Variants in COL19A1 observed in about 807,000 individuals in gnomAD.
The protein encoded by COL19A1 is collagen type XIX alpha 1 chain, also known as collagen alpha-1(XIX) chain.
Under a neutral mutation model 190.2 loss-of-function variants are expected in COL19A1, and 159 were observed. That is an observed-to-expected ratio of 0.84 (90% CI 0.73 to 0.95). COL19A1 has a LOEUF of 0.95. COL19A1 is among the 40% of genes least tolerant of loss of function. The probability of loss-of-function intolerance (pLI) is 0.00; values close to 1 mark genes in which losing one functional copy is unlikely to be tolerated. For missense variants in COL19A1, 1,418 were observed against 1,431.9 expected, an observed-to-expected ratio of 0.99 and a Z score of 0.16; for synonymous variants, 509 against 458.9, an observed-to-expected ratio of 1.11 and a Z score of -1.39.
chr6:70,166,517 G>A (rs1193525929), intron 37 of COL19A1, among the ~76,000 whole-genome samples: 2 of 152,238 alleles, frequency 1.3e-5, no homozygotes, highest in African/African-American at 4.8e-5. Flanking sequence ...GGAAACGGTG[G>A]AGAGGAGAGG....
chr6:69,935,200 A>G (rs1055097615), intron 7 of COL19A1, among the ~76,000 whole-genome samples: 1 of 152,070 alleles, frequency 6.6e-6, no homozygotes, highest in African/African-American at 2.4e-5. Context: ...AATGTGGTTA[A>G]ATTTTTAAGG....
chr6:70,093,757 T>C (rs1422162961), intron 15 of COL19A1, among the ~76,000 whole-genome samples: 2 of 152,174 alleles, frequency 1.3e-5, no homozygotes, highest in African/African-American at 2.4e-5. Flanking sequence ...TAATGAATCA[T>C]TTATTCAGAT....
intron 11 of COL19A1, 125 bp from the exon 12 acceptor site, chr6:70,023,502 G>A (rs958426787): frequency 7.2e-6 from 5 of 692,502 alleles, no homozygotes; most frequent in South Asian, 6.2e-5. Flanking sequence ...TTTAATAAAC[G>A]TGCCTTTCAA....
intron 4 of COL19A1, among the ~76,000 whole-genome samples, chr6:69,907,603 A>T (rs1265608832): frequency 1.3e-5 from 2 of 152,144 alleles, no homozygotes; most frequent in African/African-American, 4.8e-5. Flanking sequence ...TATTCTGCAT[A>T]TTTTCCAATA....
chr6:70,122,073 A>C (rs1021912375), intron 17 of COL19A1, 131 bp downstream of exon 17: 118 of 546,796 alleles, frequency 2.2e-4, no homozygotes, highest in Non-Finnish European at 2.9e-4. Flanking sequence ...ACATCTTTCC[A>C]TACTGAAAGC....
chr6:69,904,604 G>C (rs1770416336), intron 4 of COL19A1, among the ~76,000 whole-genome samples: 1 of 152,170 alleles, frequency 6.6e-6, no homozygotes, highest in African/African-American at 2.4e-5. Context: ...TCTCCACTGG[G>C]TTCCCATCAG....
intron 44 of COL19A1, among the ~76,000 whole-genome samples, chr6:70,182,531 A>G (rs1766240130): frequency 6.6e-6 from 1 of 152,204 alleles, no homozygotes; most frequent in South Asian, 2.1e-4. Flanking sequence ...GTCACTGTGG[A>G]TAGGAAGGGA....
At chr6:69,986,258 C>T (rs1776312761) in intron 11 of COL19A1, among the ~76,000 whole-genome samples, 1 of 147,560 alleles carries the variant, frequency 6.8e-6, no homozygotes, top group South Asian at 2.1e-4. Flanking sequence ...TATATACACA[C>T]ACACATATAT....
intron 11 of COL19A1, among the ~76,000 whole-genome samples, chr6:69,966,811 G>A (rs1335960113): frequency 2.0e-5 from 3 of 150,624 alleles, no homozygotes; most frequent in African/African-American, 4.9e-5. Context: ...AGGCCATTTA[G>A]CAAGGATTCA....
intron 1 of COL19A1, chr6:69,867,566 CG>C (rs1767548832): frequency 6.6e-6 from 1 of 152,318 alleles, no homozygotes. Context: ...GCTGCAGGGT[CG>C]CGAGGAAGTT....
chr6:70,169,312 T>C (rs1765362199), intron 40 of COL19A1, among the ~76,000 whole-genome samples: 1 of 151,886 alleles, frequency 6.6e-6, no homozygotes, highest in South Asian at 2.1e-4. Flanking sequence ...TTGCTGGGCA[T>C]TTTCTCCTGT....
chr6:70,190,190 A>G (rs925407874), intron 47 of COL19A1, 125 bp from the exon 48 acceptor site: 2 of 717,836 alleles, frequency 2.8e-6, no homozygotes, highest in Non-Finnish European at 4.7e-6. Flanking sequence ...TCAATTGCCA[A>G]AAGCATTTTT....
At chr6:69,949,400 G>A (rs917729296) in intron 9 of COL19A1, among the ~76,000 whole-genome samples, 1 of 151,748 alleles carries the variant, frequency 6.6e-6, no homozygotes, top group African/African-American at 2.4e-5. Flanking sequence ...CCTCAATAGT[G>A]TTTTCTCGCT....
intron 13 of COL19A1, among the ~76,000 whole-genome samples, chr6:70,035,280 C>A (rs1387554165): frequency 6.6e-6 from 1 of 152,162 alleles, no homozygotes; most frequent in Non-Finnish European, 1.5e-5. Flanking sequence ...AAATAGTGAA[C>A]TTTTAGATGA....
Position 70,208,639 on chromosome 6 carries a change from GAACATGCTGCAA to G in COL19A1, c.*1366_*1377del, listed in dbSNP as rs1768025884. The stretch of plus-strand genomic sequence containing the variant: ...TAGATGGTGGGTCCCACAGATGTGA[GAACATGCTGCAA>G]GAGCCTGCCAGCCACAGCAATCAGG... On this transcript the variant is annotated 3_prime_UTR_variant, in exon 51 of 51. Coordinates refer to ENST00000620364, the MANE Select transcript of COL19A1 (RefSeq NM_001858.6). 4 of 152,676 alleles carry G rather than the reference GAACATGCTGCAA, an allele frequency of 2.6e-5. No individual in the cohort carries two copies. Among genetic ancestry groups the G allele is most frequent in the Admixed American group, 6.5e-5 (1 of 15,276 alleles). 9.5% of individuals were successfully genotyped at this position (152,676 alleles called of 1,614,324 possible). A position where few individuals can be genotyped will look rare whatever the true frequency, so the allele number is the denominator to read the frequency against.
At chr6:70,030,413 A>C (rs1778991475) in intron 12 of COL19A1, among the ~76,000 whole-genome samples, 1 of 152,092 alleles carries the variant, frequency 6.6e-6, no homozygotes. Flanking sequence ...GAGAACTAAG[A>C]CGTCATCCTC....
intron 2 of COL19A1, chr6:69,879,996 A>T (rs1403700105): frequency 1.2e-5 from 4 of 328,992 alleles, no homozygotes; most frequent in Non-Finnish European, 2.2e-5. Context: ...AAGTATGGAA[A>T]CTCATTACTA....
chr6:70,206,957 C>A lies in COL19A1; in HGVS notation c.3280C>A (p.Pro1094Thr), dbSNP rs1355683239. 2 of 1,613,782 alleles carry A rather than the reference C, an allele frequency of 1.2e-6. No individual in the cohort carries two copies. The highest frequency in any genetic ancestry group is 2.2e-5 in the South Asian group (2 of 91,060). The change falls in exon 50 of 51, where the codon CCA (proline) becomes ACA (threonine). Residue 1094 changes from proline to threonine, a missense_variant. Pro to Thr is a conservative substitution (Grantham distance 38). Coordinates refer to ENST00000620364, the MANE Select transcript of COL19A1 (RefSeq NM_001858.6). ...GEPGIGLPGS[P>T]GLPGTSALGL... ...ACCTGGAATTGGGCTGCCAGGGAGT[C>A]CAGGTCTTCCTGGGACTTCAGGTAA...
At chr6:70,027,579 G>A (rs371764232) in intron 12 of COL19A1, among the ~76,000 whole-genome samples, 1 of 142,158 alleles carries the variant, frequency 7.0e-6, no homozygotes, top group African/African-American at 2.7e-5. Context: ...GTGTGTGTGT[G>A]TTTGTATGTG....
Sources: gnomAD v4.1 joint callset for allele counts (sites outside exome capture counted in the v4.1 genomes callset) on GRCh38, gnomAD v4.1.1 for gene constraint, MANE v1.5 for transcripts, NCBI Gene and HGNC (gene_info 2026-07-23, HGNC 2026-07-21) for gene names.